DNM3: variants seen among roughly 807,000 people sequenced by gnomAD.
DNM3 encodes the protein dynamin-3.
A neutral mutation model predicts 101.6 loss-of-function variants in DNM3; 47 were observed. That is an observed-to-expected ratio of 0.46 (90% CI 0.37 to 0.59). DNM3 has a LOEUF of 0.59. DNM3 is among the 20% of genes least tolerant of loss of function. The probability of loss-of-function intolerance (pLI) is 0.00; values close to 1 mark genes in which losing one functional copy is unlikely to be tolerated. For synonymous variants in DNM3, 385 were observed against 387.9 expected, an observed-to-expected ratio of 0.99 and a Z score of 0.09; for missense variants, 849 against 1,085.7, an observed-to-expected ratio of 0.78 and a Z score of 3.06.
chr1:172,122,061 A>G (rs1474457699), intron 13 of DNM3, among the ~76,000 whole-genome samples: 5 of 152,202 alleles, frequency 3.3e-5, no homozygotes, highest in African/African-American at 1.2e-4. Context: ...TTCATTATAC[A>G]TTAAAGGGAA....
At chr1:172,129,708 A>C (rs1380268060) in intron 13 of DNM3, among the ~76,000 whole-genome samples, 1 of 152,136 alleles carries the variant, frequency 6.6e-6, no homozygotes, top group African/African-American at 2.4e-5. Context: ...ATCTTCCCCC[A>C]TAATTCAGTT....
chr1:172,270,808 C>T (rs557042360), intron 15 of DNM3, among the ~76,000 whole-genome samples: 80 of 151,538 alleles, frequency 5.3e-4, no homozygotes, highest in Middle Eastern at 3.4e-3. Context: ...GTGTTTATTT[C>T]TTAGAATCTG....
At chr1:171,855,285 G>A (rs964733083) in intron 1 of DNM3, among the ~76,000 whole-genome samples, 15 of 152,140 alleles carry the variant, frequency 9.9e-5, no homozygotes, top group African/African-American at 2.7e-4. Context: ...TCACTGATGG[G>A]CATTTAGGTT....
chr1:172,257,450 T>C (rs540331227), intron 15 of DNM3, among the ~76,000 whole-genome samples: 2 of 152,242 alleles, frequency 1.3e-5, no homozygotes, highest in East Asian at 3.9e-4. Flanking sequence ...AAATTTAGTA[T>C]TGTATTTTCC....
At position 172,168,519 on chromosome 1, in the gene DNM3, C is replaced by T. The variant is rs1316331863; in HGVS notation, c.1659+37231C>T. ...CTCCAAGTATGTGTCCAGATTACCA[C>T]AGGGTGCTTGGAGTGATTAGAATTG... On this transcript the variant is annotated intron_variant, in intron 14 of 20. Coordinates refer to ENST00000627582, the MANE Select transcript of DNM3 (RefSeq NM_015569.5). Among the ~76,000 whole-genome samples the T allele has an allele frequency of 9.2e-5, 14 of 152,094 alleles. No homozygotes were observed. The Middle Eastern group carries it at 0.01, about 111-fold the overall frequency.
At position 172,348,411 on chromosome 1, in the gene DNM3, C is replaced by A. The variant is rs1416646494; in HGVS notation, c.1893+25071C>A. 2.0e-5 allele frequency among the ~76,000 whole-genome samples: 3 copies of A among 152,224 alleles called. No homozygotes were observed. In the East Asian group the frequency reaches 5.8e-4, roughly 29 times the overall value. ...AAAGATCCTAAAAGAAGCCAGAAAG[C>A]TAGGTCACCTACAAAGGAGTGGAAT... On this transcript the variant is annotated intron_variant, in intron 17 of 20. Coordinates refer to ENST00000627582, the MANE Select transcript of DNM3 (RefSeq NM_015569.5).
intron 14 of DNM3, among the ~76,000 whole-genome samples, chr1:172,206,435 A>G (rs1208912161): frequency 1.3e-5 from 2 of 152,156 alleles, no homozygotes; most frequent in African/African-American, 4.8e-5. Context: ...TTTTCTTTGC[A>G]CAGATATTAA....
intron 17 of DNM3, among the ~76,000 whole-genome samples, chr1:172,335,797 G>A (rs2066396343): frequency 6.6e-6 from 1 of 152,166 alleles, no homozygotes; most frequent in African/African-American, 2.4e-5. Context: ...CTGGATAGGG[G>A]AGGGAAAGAG....
intron 1 of DNM3, among the ~76,000 whole-genome samples, chr1:171,895,481 A>AT (rs1475577728): frequency 2.0e-5 from 3 of 151,530 alleles, no homozygotes; most frequent in Admixed American, 2.0e-4. Flanking sequence ...TTTTGATGGG[A>AT]TTTTTTGATT....
At chr1:172,325,977 A>G (rs1230209873) in intron 17 of DNM3, among the ~76,000 whole-genome samples, 2 of 152,212 alleles carry the variant, frequency 1.3e-5, no homozygotes, top group African/African-American at 4.8e-5. Context: ...CCTGGGGTAT[A>G]TGGAACAATC....
intron 1 of DNM3, among the ~76,000 whole-genome samples, chr1:171,894,750 C>A (rs1290815496): frequency 6.6e-6 from 1 of 152,142 alleles, no homozygotes; most frequent in East Asian, 1.9e-4. Context: ...CCGACTCCCC[C>A]AGCAGGCCCT....
At chr1:172,046,333 C>T (rs561508634) in intron 9 of DNM3, among the ~76,000 whole-genome samples, 2 of 152,212 alleles carry the variant, frequency 1.3e-5, no homozygotes, top group East Asian at 3.9e-4. Flanking sequence ...CATGTTCTCA[C>T]TCATAGATGG....
intron 4 of DNM3, among the ~76,000 whole-genome samples, chr1:172,008,056 G>T (rs74715964): frequency 0.023 from 3,438 of 152,070 alleles, 123 homozygotes; most frequent in African/African-American, 0.076. Flanking sequence ...CAGATGGTTT[G>T]TTTGTCAGCT....
chr1:172,107,177 T>TA (rs1045742884), intron 13 of DNM3, among the ~76,000 whole-genome samples: 5 of 152,196 alleles, frequency 3.3e-5, no homozygotes, highest in East Asian at 3.9e-4. Flanking sequence ...TTATTCTTTA[T>TA]AAAAAAATAA....
chr1:172,049,084 A>G (rs1244705323), intron 10 of DNM3, among the ~76,000 whole-genome samples: 1 of 152,204 alleles, frequency 6.6e-6, no homozygotes, highest in Non-Finnish European at 1.5e-5. Context: ...GGTAATTGTT[A>G]GAGAAGGAAA....
rs2062276203 is a variant in DNM3, at chr1:172,253,611, G to A, written c.1698G>A (p.Leu566=). ...AGTACATGCTTCCCTTGGACAACCT[G>A]AAAGTTCGGGATGTGGAAAAGAGCT... is the stretch of plus-strand genomic sequence containing the variant. ...EKKYMLPLDN[L]KVRDVEKSFM... Residue 566 remains leucine (L), a synonymous_variant, in exon 15 of 21, where the codon CTG becomes CTA. Coordinates refer to ENST00000627582, the MANE Select transcript of DNM3 (RefSeq NM_015569.5). 1 of 1,590,774 alleles carries A rather than the reference G, an allele frequency of 6.3e-7. No homozygotes were observed. The highest frequency in any genetic ancestry group is 2.3e-5 in the East Asian group (1 of 44,134).
rs1441706956 is a variant in DNM3 at position 171,841,922 on chromosome 1, C to A, written c.161+105C>A. The A allele has an allele frequency of 2.9e-6, 4 of 1,385,866 alleles. No individual in the cohort carries two copies. The Admixed American group carries it at 7.8e-5, about 27-fold the overall frequency. The allele number at this position is 1,385,866 out of a possible 1,614,324, so 85.8% of individuals were successfully genotyped here. On this transcript the variant is annotated intron_variant, in intron 1 of 20. Transcript: ENST00000627582. ...GGAGCCAGAGGGTGGATGGACCAGG[C>A]GCTGCGGTGGAATGGGGGGCAGAGT...
Position 172,408,928 on chromosome 1 carries a change from T to C in DNM3, c.*1087T>C, listed in dbSNP as rs1041313619. Reference sequence around the variant, plus strand: ...TGAAATGAAGTCAGTAGAAATGGCATGGGATAAGAGCAGAGCTCACACTTT... The same window carrying C: ...TGAAATGAAGTCAGTAGAAATGGCACGGGATAAGAGCAGAGCTCACACTTT... On this transcript the variant is annotated 3_prime_UTR_variant, in exon 21 of 21. Coordinates refer to ENST00000627582, the MANE Select transcript of DNM3 (RefSeq NM_015569.5). The C allele has an allele frequency of 5.1e-6, 5 of 985,250 alleles. No homozygotes were observed. The highest frequency in any genetic ancestry group is 6.0e-6 in the Non-Finnish European group (5 of 829,890). 61.0% of individuals were successfully genotyped at this position (985,250 alleles called of 1,614,324 possible). A position where few individuals can be genotyped will look rare whatever the true frequency, so the allele number is the denominator to read the frequency against.
In DNM3 at chr1:172,410,968, TAGTAAGTATGTTTC is replaced by T. The variant is rs1180864716; in HGVS notation, c.*3128_*3141del. 1.0e-6 allele frequency: 1 copy of T among 985,132 alleles called. No homozygotes were observed. The highest frequency in any genetic ancestry group is 1.2e-6 in the Non-Finnish European group (1 of 829,772). 61.0% of individuals were successfully genotyped at this position (985,132 alleles called of 1,614,324 possible). On this transcript the variant is annotated 3_prime_UTR_variant, in exon 21 of 21. Transcript: ENST00000627582. ...TGTCTCTGTGTATATGGCATATACC[TAGTAAGTATGTTTC>T]TGTAAGTATGTGTATTTTATGTCCA...
Sources: gnomAD v4.1 joint callset for allele counts (sites outside exome capture counted in the v4.1 genomes callset) on GRCh38, gnomAD v4.1.1 for gene constraint, MANE v1.5 for transcripts, NCBI Gene and HGNC (gene_info 2026-07-23, HGNC 2026-07-21) for gene names.